Variants in NBAS observed in about 807,000 individuals in gnomAD.
The protein encoded by NBAS is NAG/BC035112 fusion.
In NBAS, 219 loss-of-function variants were observed where a neutral mutation model predicts 302.5. The ratio of observed to expected loss-of-function variants is 0.72; its 90% CI spans 0.65 to 0.81. The LOEUF is 0.81. Ranked by LOEUF, NBAS falls within the 30% of genes least tolerant of loss-of-function variation. The probability of loss-of-function intolerance (pLI) is 0.00; values close to 1 mark genes in which losing one functional copy is unlikely to be tolerated. For synonymous variants in NBAS, 1,118 were observed against 1,021.6 expected, an observed-to-expected ratio of 1.09 and a Z score of -1.80; for missense variants, 2,932 against 2,841.6, an observed-to-expected ratio of 1.03 and a Z score of -0.72.
the NBAS span, among the ~76,000 whole-genome samples, chr2:15,099,970 A>G: frequency 6.6e-6 from 1 of 152,240 alleles, no homozygotes; most frequent in Admixed American, 6.5e-5. Flanking sequence ...GAACACATGT[A>G]GTACCAATGT....
chr2:15,059,473 A>C, the NBAS span, among the ~76,000 whole-genome samples: 14 of 152,288 alleles, frequency 9.2e-5, 1 homozygote, highest in Admixed American at 9.2e-4. Context: ...TGGGGAAGAT[A>C]AGCAGATGCC....
the NBAS span, among the ~76,000 whole-genome samples, chr2:14,784,419 T>C: frequency 3.9e-5 from 6 of 152,236 alleles, no homozygotes; most frequent in Non-Finnish European, 8.8e-5. Context: ...TGGTAATGCC[T>C]AGGTTTTCTT....
At chr2:14,908,623 C>T in the NBAS span, among the ~76,000 whole-genome samples, 2 of 152,160 alleles carry the variant, frequency 1.3e-5, no homozygotes, top group African/African-American at 2.4e-5. Context: ...AGGAGTATTA[C>T]TACAAAGAAA....
chr2:14,838,118 A>G, the NBAS span, among the ~76,000 whole-genome samples: 1 of 151,866 alleles, frequency 6.6e-6, no homozygotes, highest in Non-Finnish European at 1.5e-5. Flanking sequence ...CTGTCACCTG[A>G]TAACGCTCAT....
the NBAS span, among the ~76,000 whole-genome samples, chr2:14,950,887 G>T: frequency 6.6e-6 from 1 of 152,306 alleles, no homozygotes; most frequent in East Asian, 1.9e-4. Context: ...ATTAAGCATG[G>T]AGAATTTTAG....
the NBAS span, among the ~76,000 whole-genome samples, chr2:14,862,118 G>A: frequency 1.3e-5 from 2 of 151,602 alleles, no homozygotes; most frequent in East Asian, 1.9e-4. Flanking sequence ...TGGCATTCTG[G>A]AAGTGAGCCA....
the NBAS span, among the ~76,000 whole-genome samples, chr2:15,045,684 G>T: frequency 2.0e-5 from 3 of 152,156 alleles, no homozygotes; most frequent in Admixed American, 1.3e-4. Flanking sequence ...CAGAAGTGCA[G>T]ATATCTCTAT....
At chr2:15,524,233 G>C (rs1292035633) in intron 9 of NBAS, among the ~76,000 whole-genome samples, 1 of 152,198 alleles carries the variant, frequency 6.6e-6, no homozygotes, top group Non-Finnish European at 1.5e-5. Flanking sequence ...CCCTATTCGG[G>C]AGACACGTGG....
At chr2:15,054,016 T>C in the NBAS span, among the ~76,000 whole-genome samples, 1 of 151,988 alleles carries the variant, frequency 6.6e-6, no homozygotes, top group African/African-American at 2.4e-5. Flanking sequence ...GAGTGGTGTT[T>C]CCAAAACCAA....
chr2:15,017,494 C>G, the NBAS span, among the ~76,000 whole-genome samples: 20 of 148,250 alleles, frequency 1.3e-4, no homozygotes, highest in South Asian at 2.4e-3. Context: ...TAAAAATCAG[C>G]AAATGATCTG....
intron 48 of NBAS, among the ~76,000 whole-genome samples, chr2:15,205,254 G>A (rs1476941855): frequency 6.6e-6 from 1 of 151,736 alleles, no homozygotes; most frequent in Non-Finnish European, 1.5e-5. Context: ...ACATACAACA[G>A]ATACACAAAA....
At chr2:14,912,698 A>AT in the NBAS span, among the ~76,000 whole-genome samples, 11 of 102,884 alleles carry the variant, frequency 1.1e-4, no homozygotes, top group Non-Finnish European at 9.9e-5. Context: ...CCATGCATTC[A>AT]TTTTTAAAAA....
chr2:14,974,016 G>A, the NBAS span, among the ~76,000 whole-genome samples: 1 of 152,134 alleles, frequency 6.6e-6, no homozygotes, highest in East Asian at 1.9e-4. Flanking sequence ...CTCTCGCCAA[G>A]AATATTTCTC....
chr2:14,799,628 T>G, the NBAS span, among the ~76,000 whole-genome samples: 1 of 152,304 alleles, frequency 6.6e-6, no homozygotes, highest in Admixed American at 6.5e-5. Flanking sequence ...CAAGCTTCTA[T>G]CTACTGGTTC....
intron 35 of NBAS, among the ~76,000 whole-genome samples, chr2:15,331,378 A>G (rs1228637805): frequency 1.3e-5 from 2 of 152,216 alleles, no homozygotes; most frequent in Admixed American, 1.3e-4. Flanking sequence ...GAAAATGTCA[A>G]TACATTAATT....
At chr2:15,396,304 A>G (rs1675861538) in intron 27 of NBAS, 109 bp downstream of exon 27, 1 of 845,124 alleles carries the variant, frequency 1.2e-6, no homozygotes, top group Non-Finnish European at 1.9e-6. Context: ...ATCAAACAAA[A>G]ATGAGGTTAA....
chr2:15,384,559 A>G (rs1341209800), intron 28 of NBAS, among the ~76,000 whole-genome samples: 2 of 149,074 alleles, frequency 1.3e-5, no homozygotes, highest in African/African-American at 4.9e-5. Context: ...CATTCAACAA[A>G]TGTGAATGAA....
intron 35 of NBAS, among the ~76,000 whole-genome samples, chr2:15,339,241 C>T (rs753894607): frequency 7.9e-5 from 12 of 152,046 alleles, no homozygotes; most frequent in African/African-American, 1.4e-4. Flanking sequence ...TTACTGAACA[C>T]ATAATTTGGC....
chr2:15,539,227 G>A lies in NBAS; in HGVS notation c.509C>T (p.Ser170Phe), dbSNP rs1280023379. The part of the protein sequence containing the change: ...DLMGSELFVI[S>F]PASSFIGDLS... ...CAATTTAAGCTATGTACATACCGGGGAAATGACAAAGAGTTCACTTCCCAT... is the reference window on the plus strand; with the variant it reads ...CAATTTAAGCTATGTACATACCGGGAAAATGACAAAGAGTTCACTTCCCAT... The change falls in exon 7 of 52, where the codon TCC (serine) becomes TTC (phenylalanine). Residue 170 changes from serine to phenylalanine, a missense_variant. Ser to Phe is a radical substitution (Grantham distance 155, BLOSUM62 -2). Coordinates refer to ENST00000281513, the MANE Select transcript of NBAS (RefSeq NM_015909.4). 1 of 1,614,134 alleles carries A rather than the reference G, an allele frequency of 6.2e-7. No homozygotes were observed. Among genetic ancestry groups the A allele is most frequent in the East Asian group, 2.2e-5 (1 of 44,874 alleles).
Sources: gnomAD v4.1 joint callset for allele counts (sites outside exome capture counted in the v4.1 genomes callset) on GRCh38, gnomAD v4.1.1 for gene constraint, MANE v1.5 for transcripts, NCBI Gene and HGNC (gene_info 2026-07-23, HGNC 2026-07-21) for gene names.